Variants in ARB2A observed in about 807,000 individuals in gnomAD.
ARB2A encodes the protein ARB2 cotranscriptional regulator A, also known as cotranscriptional regulator ARB2A.
chr5:93,715,622 T>C, the ARB2A span, among the ~76,000 whole-genome samples: 1 of 151,044 alleles, frequency 6.6e-6, no homozygotes, highest in Non-Finnish European at 1.5e-5. Flanking sequence ...CTTTCTTCTT[T>C]GCACTGATCC....
At chr5:93,789,261 C>T in the ARB2A span, among the ~76,000 whole-genome samples, 1 of 152,238 alleles carries the variant, frequency 6.6e-6, no homozygotes, top group Middle Eastern at 3.4e-3. Context: ...TCAGATAACA[C>T]ATATTTGCAT....
the ARB2A span, among the ~76,000 whole-genome samples, chr5:93,921,590 A>G: frequency 1.0e-4 from 15 of 150,166 alleles, no homozygotes; most frequent in Admixed American, 5.3e-4. Flanking sequence ...CCAATTCTGG[A>G]AAAAAAAAAT....
chr5:93,675,141 C>G, the ARB2A span, among the ~76,000 whole-genome samples: 1 of 152,078 alleles, frequency 6.6e-6, no homozygotes, highest in Admixed American at 6.6e-5. Flanking sequence ...TATGCCCCAC[C>G]CTTGATAATA....
the ARB2A span, among the ~76,000 whole-genome samples, chr5:93,788,398 G>A: frequency 6.6e-6 from 1 of 152,150 alleles, no homozygotes; most frequent in Non-Finnish European, 1.5e-5. Context: ...TCCGTGTGCA[G>A]TGCAGGCCTT....
At chr5:94,025,845 C>T in the ARB2A span, among the ~76,000 whole-genome samples, 1 of 152,178 alleles carries the variant, frequency 6.6e-6, no homozygotes, top group Non-Finnish European at 1.5e-5. Context: ...TGCTTGGGCC[C>T]AGGTACACCA....
At chr5:93,633,486 G>A in the ARB2A span, among the ~76,000 whole-genome samples, 1 of 152,052 alleles carries the variant, frequency 6.6e-6, no homozygotes, top group South Asian at 2.1e-4. Context: ...TCCTTTTCTA[G>A]GTTTATCATA....
At chr5:93,951,185 C>G in the ARB2A span, among the ~76,000 whole-genome samples, 1 of 152,042 alleles carries the variant, frequency 6.6e-6, no homozygotes, top group East Asian at 1.9e-4. Flanking sequence ...TTATTAGATT[C>G]TTTTTCCTAT....
the ARB2A span, among the ~76,000 whole-genome samples, chr5:93,860,152 G>C: frequency 6.6e-6 from 1 of 152,224 alleles, no homozygotes; most frequent in African/African-American, 2.4e-5. Flanking sequence ...AATTAGCCGG[G>C]TGTTGTGGCA....
At chr5:94,057,867 T>C in the ARB2A span, among the ~76,000 whole-genome samples, 3 of 152,088 alleles carry the variant, frequency 2.0e-5, no homozygotes, top group Non-Finnish European at 4.4e-5. Flanking sequence ...GAAGACCCTG[T>C]TGAGCTGATG....
chr5:93,854,259 T>C, the ARB2A span, among the ~76,000 whole-genome samples: 2 of 152,232 alleles, frequency 1.3e-5, no homozygotes, highest in Admixed American at 6.5e-5. Flanking sequence ...GTGTTTGTAG[T>C]ATTCTCTGAT....
the ARB2A span, among the ~76,000 whole-genome samples, chr5:93,969,513 C>A: frequency 1.1e-4 from 17 of 152,210 alleles, no homozygotes; most frequent in African/African-American, 3.8e-4. Context: ...AATATCCTGA[C>A]TACTAATACA....
the ARB2A span, among the ~76,000 whole-genome samples, chr5:93,837,513 C>G: frequency 1.8e-3 from 272 of 152,010 alleles, no homozygotes; most frequent in Non-Finnish European, 3.1e-3. Context: ...AAAAATAAAT[C>G]CCACTAGATT....
At chr5:93,808,934 C>T in the ARB2A span, among the ~76,000 whole-genome samples, 1 of 152,050 alleles carries the variant, frequency 6.6e-6, no homozygotes, top group South Asian at 2.1e-4. Flanking sequence ...AATATAGATA[C>T]TACCAAGCAA....
the ARB2A span, among the ~76,000 whole-genome samples, chr5:93,899,861 C>G: frequency 6.6e-6 from 1 of 152,018 alleles, no homozygotes; most frequent in Non-Finnish European, 1.5e-5. Context: ...TACTTGAAAA[C>G]AACAAAACTA....
the ARB2A span, among the ~76,000 whole-genome samples, chr5:93,711,930 GT>G: frequency 6.5e-3 from 996 of 152,334 alleles, 7 homozygotes; most frequent in Non-Finnish European, 8.3e-3. Flanking sequence ...GGGGCGAGCG[GT>G]AGACCAGTAG....
the ARB2A span, among the ~76,000 whole-genome samples, chr5:93,648,640 T>C: frequency 5.9e-5 from 9 of 152,220 alleles, no homozygotes; most frequent in Admixed American, 5.2e-4. Context: ...TTAACTATGA[T>C]AATTTTCTTC....
chr5:93,922,293 T>C, the ARB2A span, among the ~76,000 whole-genome samples: 4 of 151,782 alleles, frequency 2.6e-5, no homozygotes, highest in African/African-American at 7.3e-5. Context: ...GGGAAAAAAA[T>C]TGAAGAGGCA....
the ARB2A span, among the ~76,000 whole-genome samples, chr5:93,889,103 A>T: frequency 6.6e-6 from 1 of 151,896 alleles, no homozygotes; most frequent in Non-Finnish European, 1.5e-5. Context: ...TTTCAAAAAA[A>T]GGGAAATGTG....
the ARB2A span, among the ~76,000 whole-genome samples, chr5:93,770,483 A>C: frequency 6.6e-5 from 10 of 152,126 alleles, no homozygotes; most frequent in Admixed American, 1.3e-4. Context: ...AAGGAAATAA[A>C]GGGTATTCAA....
Sources: gnomAD v4.1 joint callset for allele counts (sites outside exome capture counted in the v4.1 genomes callset) on GRCh38, gnomAD v4.1.1 for gene constraint, MANE v1.5 for transcripts, NCBI Gene and HGNC (gene_info 2026-07-23, HGNC 2026-07-21) for gene names.